PAM: variants seen among roughly 807,000 people sequenced by gnomAD.
PAM encodes peptidyl-glycine alpha-amidating monooxygenase.
Under a neutral mutation model 122.1 loss-of-function variants are expected in PAM, and 72 were observed. That is an observed-to-expected ratio of 0.59 (90% confidence interval 0.49 to 0.72). The LOEUF is 0.72. PAM is among the 30% of genes least tolerant of loss of function. The pLI is 0.00. For synonymous variants in PAM, 389 were observed against 404.4 expected, an observed-to-expected ratio of 0.96 and a Z score of 0.46; for missense variants, 1,106 against 1,183.7, an observed-to-expected ratio of 0.93 and a Z score of 0.96.
At chr5:102,921,918 C>G (rs1162473956) in intron 5 of PAM, among the ~76,000 whole-genome samples, 1 of 152,114 alleles carries the variant, frequency 6.6e-6, no homozygotes, top group Non-Finnish European at 1.5e-5. Flanking sequence ...TGAGCTTATT[C>G]AACTTTAAAT....
At chr5:102,827,498 CTCA>C (rs1322778453) in intron 1 of PAM, among the ~76,000 whole-genome samples, 1 of 151,890 alleles carries the variant, frequency 6.6e-6, no homozygotes, top group African/African-American at 2.4e-5. Flanking sequence ...TAATTTTATC[CTCA>C]TAATACAAAT....
chr5:102,957,565 G>C (rs1247256624), intron 12 of PAM, among the ~76,000 whole-genome samples: 1 of 151,126 alleles, frequency 6.6e-6, no homozygotes, highest in African/African-American at 2.4e-5. Flanking sequence ...GTCTCAGTCT[G>C]TCACCTAGGC....
chr5:102,853,098 C>T (rs531165745), intron 1 of PAM, among the ~76,000 whole-genome samples: 7 of 152,312 alleles, frequency 4.6e-5, no homozygotes, highest in African/African-American at 1.7e-4. Context: ...GCAGTTGGTT[C>T]TGCCAGACTG....
At chr5:102,872,365 A>G (rs960451195) in intron 3 of PAM, among the ~76,000 whole-genome samples, 5 of 152,228 alleles carry the variant, frequency 3.3e-5, no homozygotes, top group African/African-American at 1.2e-4. Context: ...TGATGAAAGA[A>G]TGTTGTCGTT....
intron 22 of PAM, 35 bp from the exon 23 acceptor site, chr5:103,019,755 T>G: frequency 6.9e-7 from 1 of 1,443,166 alleles, no homozygotes; most frequent in Non-Finnish European, 9.7e-7. Context: ...TTTTGGAGAT[T>G]CTGACTTTTC....
At chr5:102,978,477 C>T (rs911090476) in intron 15 of PAM, among the ~76,000 whole-genome samples, 9 of 152,042 alleles carry the variant, frequency 5.9e-5, no homozygotes, top group Admixed American at 5.2e-4. Context: ...AAACTAGACT[C>T]ATTGAACATT....
At chr5:102,838,718 T>C (rs1385127591) in intron 1 of PAM, 2 of 152,158 alleles carry the variant, frequency 1.3e-5, no homozygotes, top group Non-Finnish European at 2.9e-5. Context: ...AAGGAAACAG[T>C]GAGGAGAAGG....
intron 21 of PAM, among the ~76,000 whole-genome samples, chr5:103,015,108 T>C (rs1781612197): frequency 6.6e-6 from 1 of 152,186 alleles, no homozygotes; most frequent in Non-Finnish European, 1.5e-5. Context: ...TCAAGCTACA[T>C]GGAGTAGCAT....
At chr5:102,792,363 A>G (rs1179800619) in intron 1 of PAM, among the ~76,000 whole-genome samples, 2 of 152,238 alleles carry the variant, frequency 1.3e-5, no homozygotes, top group African/African-American at 4.8e-5. Context: ...GTGGGGAAAG[A>G]CTATGGAGGT....
intron 1 of PAM, among the ~76,000 whole-genome samples, chr5:102,808,666 T>C (rs1198304124): frequency 1.3e-5 from 2 of 152,196 alleles, no homozygotes; most frequent in African/African-American, 4.8e-5. Context: ...TCTAAGATGG[T>C]ATGGGAAGAT....
intron 1 of PAM, among the ~76,000 whole-genome samples, chr5:102,761,875 C>A (rs1372219712): frequency 6.6e-6 from 1 of 152,100 alleles, no homozygotes. Context: ...ATATGTATAC[C>A]TGTTATTTAC....
chr5:102,793,536 A>G (rs2150017585), intron 1 of PAM, among the ~76,000 whole-genome samples: 1 of 152,324 alleles, frequency 6.6e-6, no homozygotes, highest in South Asian at 2.1e-4. Flanking sequence ...TCTCAAAACA[A>G]AACAACAACC....
chr5:102,933,475 CG>C (rs1752253288), intron 7 of PAM, among the ~76,000 whole-genome samples: 1 of 152,208 alleles, frequency 6.6e-6, no homozygotes, highest in Admixed American at 6.5e-5. Context: ...GTGATCCACT[CG>C]GGTGTGGTTT....
At chr5:102,923,282 A>C (rs1207302125) in intron 5 of PAM, among the ~76,000 whole-genome samples, 3 of 152,180 alleles carry the variant, frequency 2.0e-5, no homozygotes, top group Non-Finnish European at 4.4e-5. Context: ...ACTTCTTACC[A>C]GTGGTTTTCA....
chr5:102,771,215 C>T (rs1156839881), intron 1 of PAM, among the ~76,000 whole-genome samples: 3 of 152,060 alleles, frequency 2.0e-5, no homozygotes, highest in Non-Finnish European at 2.9e-5. Context: ...CTTTATTTTT[C>T]ATTACAATAT....
At chr5:102,986,402 T>A (rs1284507144) in intron 15 of PAM, among the ~76,000 whole-genome samples, 1 of 151,988 alleles carries the variant, frequency 6.6e-6, no homozygotes, top group African/African-American at 2.4e-5. Flanking sequence ...AGACACAAAA[T>A]CTCAACATGT....
At chr5:103,010,620 A>C (rs1166614650) in intron 21 of PAM, among the ~76,000 whole-genome samples, 1 of 152,168 alleles carries the variant, frequency 6.6e-6, no homozygotes. Context: ...ACATGTAAAG[A>C]TTCATTGGTT....
At chr5:102,925,354 A>G (rs1034626849) in intron 6 of PAM, among the ~76,000 whole-genome samples, 7 of 152,244 alleles carry the variant, frequency 4.6e-5, no homozygotes, top group African/African-American at 1.7e-4. Context: ...TCATGAGCCA[A>G]GAGAGCTAGG....
chr5:102,940,594 G>C (rs752069063), intron 7 of PAM, among the ~76,000 whole-genome samples: 37 of 150,862 alleles, frequency 2.5e-4, no homozygotes, highest in Non-Finnish European at 4.0e-4. Context: ...CTTTTGACTA[G>C]AAGAAAGAGG....
Sources: allele counts gnomAD v4.1 joint callset (sites outside exome capture counted in the v4.1 genomes callset), GRCh38; gene constraint gnomAD v4.1.1; transcripts MANE v1.5; gene names NCBI Gene and HGNC (gene_info 2026-07-23, HGNC 2026-07-21).